The following IGSF22 variants were observed in gnomAD, a reference collection of about 807,000 sequenced individuals.
IGSF22 encodes the protein immunoglobulin superfamily member 22.
A neutral mutation model predicts 127.0 loss-of-function variants in IGSF22; 119 were observed. The ratio of observed to expected loss-of-function variants is 0.94; its 90% CI spans 0.81 to 1.09. The LOEUF (loss-of-function observed/expected upper bound fraction) is 1.09, where lower values mean the gene tolerates loss of function less well. Ranked by LOEUF, IGSF22 falls within the 50% of genes least tolerant of loss-of-function variation. The probability of loss-of-function intolerance (pLI) is 0.00; values close to 1 mark genes in which losing one functional copy is unlikely to be tolerated. For missense variants in IGSF22, 1,518 were observed against 1,716.6 expected, an observed-to-expected ratio of 0.88 and a Z score of 2.04; for synonymous variants, 568 against 664.7, an observed-to-expected ratio of 0.85 and a Z score of 2.24.
intron 2 of IGSF22, 89 bp downstream of exon 2, chr11:18,724,039 T>C: frequency 1.0e-6 from 1 of 983,520 alleles, no homozygotes; most frequent in South Asian, 1.4e-5. Context: ...AGGGGCCCAT[T>C]AGTGGCAAAA....
intron 16 of IGSF22, 65 bp downstream of exon 16, chr11:18,710,590 G>A (rs1383304613): frequency 2.3e-5 from 37 of 1,584,474 alleles, no homozygotes; most frequent in Non-Finnish European, 3.1e-5. Context: ...TGTGTCAGTA[G>A]TTAATGGGTC....
rs776997419 is a variant in IGSF22, at chr11:18,709,525, G to A, written c.2860C>T (p.Pro954Ser). 3.7e-6 allele frequency: 6 copies of A among 1,614,044 alleles called. No homozygotes were observed. In the African/African-American group the frequency reaches 8.0e-5, roughly 22 times the overall value. Residue 954 changes from proline to serine, a missense_variant, in exon 18 of 23, where the codon CCC becomes TCC. By Grantham distance (74) the Pro-to-Ser change is moderately conservative. This residue lies in a region of IGSF22 where 1,456 missense variants were observed against 1,644.9 expected (regional missense o/e 0.89). Coordinates refer to ENST00000513874, the MANE Select transcript of IGSF22 (RefSeq NM_173588.4). This position sits in a 1 kb window ranked among gnomAD's most constrained non-coding sequence, Gnocchi z 4.8. ...TKEWSKCTKI[P>S]ISGTCYTVGG... ...ACTGTGTAGCAGGTGCCTGAGATGG[G>A]GATCTTTGTGCACTTGGACCACTCC...
intron 8 of IGSF22, 65 bp downstream of exon 8, chr11:18,718,550 A>G: frequency 1.1e-6 from 1 of 905,914 alleles, no homozygotes; most frequent in Non-Finnish European, 1.9e-6. Flanking sequence ...GCTTATATAC[A>G]GTGAGAGAAG....
At chr11:18,725,003 CTT>C (rs879338845) in intron 1 of IGSF22, among the ~76,000 whole-genome samples, 7 of 145,476 alleles carry the variant, frequency 4.8e-5, no homozygotes, top group Admixed American at 6.9e-5. Flanking sequence ...TATCATCTTC[CTT>C]TTTTTTTTTT....
Position 18,713,840 on chromosome 11 carries a change from C to T in IGSF22, c.2095+12G>A. The T allele has an allele frequency of 6.2e-7, 1 of 1,601,998 alleles. No individual in the cohort carries two copies. The highest frequency in any genetic ancestry group is 8.5e-7 in the Non-Finnish European group (1 of 1,173,876). On this transcript the variant is annotated intron_variant, in intron 14 of 22. Coordinates refer to ENST00000513874, the MANE Select transcript of IGSF22 (RefSeq NM_173588.4). ...CTCAGCTCAGCCCAGCCCGGACTGG[C>T]CCTGCCCTGACCCAGCACACTAAGG...
Position 18,709,829 on chromosome 11 carries a change from T to A in IGSF22, c.2702-146A>T. On this transcript the variant is annotated intron_variant, in intron 17 of 22. Transcript: ENST00000513874. This position sits in a 1 kb window ranked among gnomAD's most constrained non-coding sequence, Gnocchi z 4.8. The stretch of plus-strand genomic sequence containing the variant: ...AGTTAACACCCTTAGTACCTAGCCT[T>A]ATACACTCAACCTCCAAATTCAAAT... 1 of 760,086 alleles carries A rather than the reference T, an allele frequency of 1.3e-6. No individual in the cohort carries two copies. 47.1% of individuals were successfully genotyped at this position (760,086 alleles called of 1,614,324 possible). A position where few individuals can be genotyped will look rare whatever the true frequency, so the allele number is the denominator to read the frequency against.
rs754969857 is a variant in IGSF22, at chr11:18,716,912, T to G, written c.1062A>C (p.Lys354Asn). Residue 354 changes from lysine (K) to asparagine (N), a missense_variant, in exon 10 of 23, where the codon AAA becomes AAC. Coordinates refer to ENST00000513874, the MANE Select transcript of IGSF22 (RefSeq NM_173588.4). This position sits in a 1 kb window ranked among gnomAD's most constrained non-coding sequence, Gnocchi z 4.5. Reference sequence around the variant, plus strand: ...TGAACTTCCACACAAAGTTGGGCTCTTTCTTGGAGAGGCGGATCTCAAACA... The same window carrying G: ...TGAACTTCCACACAAAGTTGGGCTCGTTCTTGGAGAGGCGGATCTCAAACA... ...TAVFEIRLSK[K>N]EPNFVWKFNG... is the part of the protein sequence containing the mutation. 3.1e-6 allele frequency: 5 copies of G among 1,614,228 alleles called. No individual in the cohort carries two copies. The South Asian group carries it at 5.5e-5, about 18-fold the overall frequency.
At chr11:18,704,775 G>A (rs1255108554) in intron 22 of IGSF22, 1 of 470,744 alleles carries the variant, frequency 2.1e-6, no homozygotes, top group Non-Finnish European at 3.9e-6. Context: ...TAAAGAAGAT[G>A]AGAAAACAGG....
chr11:18,724,248 G>A lies in IGSF22; in HGVS notation c.-12C>T, dbSNP rs1308474244. The A allele has an allele frequency of 1.3e-6, 2 of 1,599,954 alleles. No homozygotes were observed. Among genetic ancestry groups the A allele is most frequent in the East Asian group, 4.5e-5 (2 of 44,752 alleles). On this transcript the variant is annotated 5_prime_UTR_variant, in exon 2 of 23. Transcript: ENST00000513874. ...TGAATGGTTGTCATGGTGACAGCAG[G>A]CGTGGGCACTCACCTGTGAGACTGG...
At chr11:18,719,209 A>G (rs1848517363) in intron 7 of IGSF22, among the ~76,000 whole-genome samples, 1 of 151,972 alleles carries the variant, frequency 6.6e-6, no homozygotes, top group Non-Finnish European at 1.5e-5. Context: ...CAGTGGCGTG[A>G]TCTTGGCTCA....
rs1363878128 is a variant in IGSF22, at chr11:18,707,954, G to T, written c.3130C>A (p.Pro1044Thr). ...GTAATTGTCTCTCGGCCCTTGGTGG[G>T]AACGCCATCTTTCTGCCAGATCACG... ...PDVIWQKDGV[P>T]TKGRETITKS... Residue 1044 changes from proline to threonine, a missense_variant, in exon 20 of 23, where the codon CCC (proline) becomes ACC (threonine). By Grantham distance (38) the Pro-to-Thr change is conservative. Transcript: ENST00000513874. 6.2e-7 allele frequency: 1 copy of T among 1,614,050 alleles called. No individual in the cohort carries two copies. Among genetic ancestry groups the T allele is most frequent in the Non-Finnish European group, 8.5e-7 (1 of 1,180,014 alleles).
At chr11:18,707,464 A>C (rs981858530) in intron 20 of IGSF22, 4 of 526,214 alleles carry the variant, frequency 7.6e-6, no homozygotes, top group Admixed American at 7.3e-5. Context: ...TCGTAGAAAT[A>C]GTGGGTAAAG....
At position 18,708,249 on chromosome 11, in the gene IGSF22, C is replaced by A; in HGVS notation, c.3045G>T (p.Val1015=). The A allele has an allele frequency of 1.3e-6, 2 of 1,549,168 alleles. No homozygotes were observed. ...DLSARLKSHM[V]VRAGTALCIH... is the part of the protein sequence containing the mutation. ...TGCAGAGGGCTGTCCCAGCGCGAACCACCATGTGACTCTTCAGCCGGGCAC... is the reference window on the plus strand; with the variant it reads ...TGCAGAGGGCTGTCCCAGCGCGAACAACCATGTGACTCTTCAGCCGGGCAC... Residue 1015 remains valine, a synonymous_variant, in exon 19 of 23, where the codon GTG becomes GTT. Coordinates refer to ENST00000513874, the MANE Select transcript of IGSF22 (RefSeq NM_173588.4).
rs1272692059 is a variant in IGSF22, at chr11:18,710,365, C to T, written c.2663G>A (p.Ser888Asn). The change falls in exon 17 of 23, where the codon AGT becomes AAT. Residue 888 changes from serine to asparagine, a missense_variant. Physicochemically the swap from Ser to Asn is conservative, Grantham distance 46. This residue lies in a region of IGSF22 where 1,456 missense variants were observed against 1,644.9 expected (regional missense o/e 0.89). Coordinates refer to ENST00000513874, the MANE Select transcript of IGSF22 (RefSeq NM_173588.4). ...GGCCACTACTGAGCTGGATGGCACA[C>T]TGGGCTGTCCAGGGCCTGCCTTATT... is the stretch of plus-strand genomic sequence containing the variant. ...AVNKAGPGQPSVPSSSVVAKD... is the reference protein window; with the variant it reads ...AVNKAGPGQPNVPSSSVVAKD... 6 of 1,614,216 alleles carry T rather than the reference C, an allele frequency of 3.7e-6. No homozygotes were observed. The highest frequency in any genetic ancestry group is 4.5e-5 in the East Asian group (2 of 44,878).
At chr11:18,723,895 CAT>C (rs1848611027) in intron 2 of IGSF22, among the ~76,000 whole-genome samples, 4 of 152,376 alleles carry the variant, frequency 2.6e-5, no homozygotes, top group Admixed American at 2.0e-4. Flanking sequence ...CACACATCCA[CAT>C]GATTGATCTT....
At chr11:18,721,754 C>G in intron 3 of IGSF22, 83 bp from the exon 4 acceptor site, 1 of 1,598,634 alleles carries the variant, frequency 6.3e-7, no homozygotes, top group South Asian at 1.1e-5. Flanking sequence ...TCTGCCTCCT[C>G]CCAGACACCT....
In IGSF22 at chr11:18,720,121, G is replaced by A; in HGVS notation, c.479-18C>T. The stretch of plus-strand genomic sequence containing the variant: ...CTCTTGACCTGAGGATAGACAGAGG[G>A]ACAGGTTCAGACAGGGGGAGTCTGG... On this transcript the variant is annotated intron_variant, in intron 5 of 22. Transcript: ENST00000513874. 6.2e-7 allele frequency: 1 copy of A among 1,614,096 alleles called. No homozygotes were observed. Among genetic ancestry groups the A allele is most frequent in the Non-Finnish European group, 8.5e-7 (1 of 1,179,940 alleles).
chr11:18,706,029 G>A lies in IGSF22; in HGVS notation c.3698C>T (p.Thr1233Ile). 1 of 1,551,636 alleles carries A rather than the reference G, an allele frequency of 6.4e-7. No individual in the cohort carries two copies. Among genetic ancestry groups the A allele is most frequent in the Non-Finnish European group, 8.7e-7 (1 of 1,146,974 alleles). The change falls in exon 22 of 23, where the codon ACC (threonine) becomes ATC (isoleucine). Residue 1233 changes from threonine to isoleucine, a missense_variant. Thr to Ile is a moderately conservative substitution (Grantham distance 89). Coordinates refer to ENST00000513874, the MANE Select transcript of IGSF22 (RefSeq NM_173588.4). ...CCGCGGGTTCCCAAGGAAGGCGCAG[G>A]TCATGGTGCAGTCCTGGCCGCGGAG... ...TVLRGQDCTM[T>I]CAFLGNPRPT...
intron 11 of IGSF22, 75 bp from the exon 12 acceptor site, chr11:18,714,699 C>T (rs1445114030): frequency 2.5e-6 from 4 of 1,574,982 alleles, no homozygotes; most frequent in African/African-American, 1.3e-5. Flanking sequence ...GGGCTGGTAG[C>T]GATGGTCATG....
Sources: allele counts gnomAD v4.1 joint callset (sites outside exome capture counted in the v4.1 genomes callset), GRCh38; gene constraint gnomAD v4.1.1; regional missense constraint gnomAD v4.1.1; non-coding constraint Gnocchi (gnomAD v3.1); transcripts MANE v1.5; gene names NCBI Gene and HGNC (gene_info 2026-07-23, HGNC 2026-07-21).